Variants in STX8 observed in about 807,000 individuals in gnomAD.
STX8 encodes syntaxin 8, also known as syntaxin-8.
Under a neutral mutation model 37.5 loss-of-function variants are expected in STX8, and 23 were observed. That is an observed-to-expected ratio of 0.61 (90% CI 0.44 to 0.87). The LOEUF (loss-of-function observed/expected upper bound fraction) is 0.87. STX8 is among the 40% of genes least tolerant of loss of function. STX8 has a pLI of 0.00. For missense variants in STX8, 313 were observed against 284.7 expected, an observed-to-expected ratio of 1.10 and a Z score of -0.71; for synonymous variants, 115 against 99.1, an observed-to-expected ratio of 1.16 and a Z score of -0.95.
intron 6 of STX8, among the ~76,000 whole-genome samples, chr17:9,420,499 C>T (rs1431918949): frequency 1.3e-5 from 2 of 152,306 alleles, no homozygotes; most frequent in East Asian, 3.9e-4. Context: ...GGCCCGCCCA[C>T]AGCACTTTCC....
chr17:9,324,505 G>A (rs942811937), intron 7 of STX8, among the ~76,000 whole-genome samples: 13 of 152,170 alleles, frequency 8.5e-5, no homozygotes, highest in African/African-American at 3.1e-4. Flanking sequence ...GCTCCTGCCT[G>A]TAATCCCTGC....
At chr17:9,293,552 G>A (rs1197426449) in intron 7 of STX8, among the ~76,000 whole-genome samples, 1 of 151,972 alleles carries the variant, frequency 6.6e-6, no homozygotes, top group African/African-American at 2.4e-5. Context: ...TAAGGTCCTT[G>A]GATAAGTGAT....
Position 9,266,194 on chromosome 17 carries a change from G to C in STX8, c.644-15549C>G, listed in dbSNP as rs552769256. ...GTAATGACAACTGGAAACACAGAGG[G>C]GTGTTATTATGGAGTGGAGAAAAAG... On this transcript the variant is annotated intron_variant, in intron 7 of 7. Coordinates refer to ENST00000306357, the MANE Select transcript of STX8 (RefSeq NM_004853.3). Among the ~76,000 whole-genome samples, 18 of 152,328 alleles carry C rather than the reference G, an allele frequency of 1.2e-4. No individual in the cohort carries two copies. In the South Asian group the frequency reaches 3.7e-3, roughly 32 times the overall value.
chr17:9,400,918 C>G (rs1331215622), intron 6 of STX8, among the ~76,000 whole-genome samples: 1 of 152,066 alleles, frequency 6.6e-6, no homozygotes, highest in Non-Finnish European at 1.5e-5. Flanking sequence ...AAATGCTGTA[C>G]AGTTTTTATA....
At chr17:9,252,478 G>T (rs1340340920) in intron 7 of STX8, among the ~76,000 whole-genome samples, 5 of 150,308 alleles carry the variant, frequency 3.3e-5, no homozygotes, top group Non-Finnish European at 7.4e-5. Flanking sequence ...GTGTGGTGGT[G>T]GGTGCCTGTA....
intron 7 of STX8, among the ~76,000 whole-genome samples, chr17:9,289,832 C>CA (rs1284693409): frequency 1.1e-4 from 16 of 151,636 alleles, no homozygotes; most frequent in South Asian, 2.1e-4. Flanking sequence ...CAATAAGTTC[C>CA]AAAAAAACAC....
At chr17:9,268,112 C>A (rs1276350114) in intron 7 of STX8, among the ~76,000 whole-genome samples, 1 of 151,990 alleles carries the variant, frequency 6.6e-6, no homozygotes, top group Non-Finnish European at 1.5e-5. Context: ...GCTCTCCTCT[C>A]TAGGCCTTGG....
At chr17:9,573,269 G>C (rs1232695576) in intron 1 of STX8, among the ~76,000 whole-genome samples, 1 of 152,074 alleles carries the variant, frequency 6.6e-6, no homozygotes, top group Non-Finnish European at 1.5e-5. Context: ...CAGACCTTAA[G>C]TCTGATAAGA....
chr17:9,496,076 T>TTTC (rs1491494188), intron 5 of STX8, among the ~76,000 whole-genome samples: 694 of 2,516 alleles, frequency 0.28, 5 homozygotes, highest in African/African-American at 0.4. Context: ...TTTCTTTCTC[T>TTTC]TTTTTTTTTT....
intron 7 of STX8, among the ~76,000 whole-genome samples, chr17:9,315,970 A>G (rs1053751981): frequency 1.3e-5 from 2 of 151,666 alleles, no homozygotes; most frequent in African/African-American, 4.8e-5. Flanking sequence ...AGCCGAGATC[A>G]CGCCACTGCA....
At position 9,420,494 on chromosome 17, in the gene STX8, G is replaced by A. The variant is rs150882308; in HGVS notation, c.542-41841C>T. Among the ~76,000 whole-genome samples, 401 of 152,076 alleles carry A rather than the reference G, an allele frequency of 2.6e-3. 3 individuals carry two copies. The highest frequency in any genetic ancestry group is 9.2e-3 in the African/African-American group (383 of 41,488). On this transcript the variant is annotated intron_variant, in intron 6 of 7. Transcript: ENST00000306357. ...CGCCTATCTGCTGCCACCGTGGCCC[G>A]CCCACAGCACTTTCCCGCATCTTCA...
intron 6 of STX8, among the ~76,000 whole-genome samples, chr17:9,431,797 G>T (rs1374314770): frequency 6.6e-6 from 1 of 152,180 alleles, no homozygotes; most frequent in Admixed American, 6.5e-5. Context: ...CACGAGTGCT[G>T]TACTGTCTCC....
intron 7 of STX8, among the ~76,000 whole-genome samples, chr17:9,350,728 T>C (rs1429261048): frequency 1.3e-5 from 2 of 152,254 alleles, no homozygotes; most frequent in East Asian, 3.9e-4. Flanking sequence ...AGACAGGGCT[T>C]CACCATGTTG....
chr17:9,566,529 G>A (rs1291696995), intron 2 of STX8, among the ~76,000 whole-genome samples: 2 of 152,148 alleles, frequency 1.3e-5, no homozygotes, highest in Admixed American at 1.3e-4. Context: ...GCTCACACCT[G>A]TAATCTCAGC....
intron 7 of STX8, among the ~76,000 whole-genome samples, chr17:9,327,698 T>C (rs538943466): frequency 1.3e-5 from 2 of 152,258 alleles, no homozygotes; most frequent in African/African-American, 4.8e-5. Context: ...GTTTCTGAGA[T>C]GAAGTCTCAC....
At chr17:9,354,057 TGCCCATACCATAATC>T (rs2142249288) in intron 7 of STX8, among the ~76,000 whole-genome samples, 1 of 152,312 alleles carries the variant, frequency 6.6e-6, no homozygotes, top group East Asian at 1.9e-4. Flanking sequence ...TTAAACTATA[TGCCCATACCATAATC>T]TTTAAATTCC....
chr17:9,263,293 A>T (rs1482035597), intron 7 of STX8, among the ~76,000 whole-genome samples: 6 of 152,154 alleles, frequency 3.9e-5, no homozygotes, highest in Non-Finnish European at 8.8e-5. Flanking sequence ...CCTGACCAAA[A>T]TGGAGAAACC....
rs934632010 is a variant in STX8, at chr17:9,319,431, A to AAAAAC, written c.643+59116_643+59120dup. On this transcript the variant is annotated intron_variant, in intron 7 of 7. Transcript: ENST00000306357. ...AAGACTCTGTCTCAAAAACAAAAAC[A>AAAAAC]AAAACAAAACAAAACAAACACTAAA... Among the ~76,000 whole-genome samples, 6 of 152,254 alleles carry AAAAAC rather than the reference A, an allele frequency of 3.9e-5. No homozygotes were observed. The East Asian group carries it at 5.8e-4, about 15-fold the overall frequency.
At chr17:9,261,531 C>T (rs1361658836) in intron 7 of STX8, among the ~76,000 whole-genome samples, 1 of 152,142 alleles carries the variant, frequency 6.6e-6, no homozygotes, top group South Asian at 2.1e-4. Context: ...AGATGATAGC[C>T]GTTCCTTAGA....
Sources: gnomAD v4.1 joint callset for allele counts (sites outside exome capture counted in the v4.1 genomes callset) on GRCh38, gnomAD v4.1.1 for gene constraint, MANE v1.5 for transcripts, NCBI Gene and HGNC (gene_info 2026-07-23, HGNC 2026-07-21) for gene names.